Variants in TRIP4 observed in about 807,000 individuals in gnomAD.
The protein encoded by TRIP4 is activating signal cointegrator 1.
In TRIP4, 54 loss-of-function variants were observed where a neutral mutation model predicts 81.8. The ratio of observed to expected loss-of-function variants is 0.66; its 90% CI spans 0.53 to 0.83. TRIP4 has a LOEUF of 0.83. TRIP4 is among the 40% of genes least tolerant of loss of function. The pLI is 0.00. For missense variants in TRIP4, 662 were observed against 683.6 expected (o/e 0.97, Z 0.35); for synonymous variants, 270 against 242.8 (o/e 1.11, Z -1.04).
At chr15:64,413,658 C>T (rs192715868) in intron 7 of TRIP4, among the ~76,000 whole-genome samples, 97 of 152,212 alleles carry the variant, frequency 6.4e-4, no homozygotes, top group African/African-American at 2.3e-3. Context: ...GGCACGATCT[C>T]GGCTCATTGC....
At chr15:64,402,273 A>G (rs1409583468) in intron 5 of TRIP4, among the ~76,000 whole-genome samples, 1 of 149,686 alleles carries the variant, frequency 6.7e-6, no homozygotes, top group Non-Finnish European at 1.5e-5. Context: ...CCCAGGCTGG[A>G]GTGCAATGGT....
intron 11 of TRIP4, among the ~76,000 whole-genome samples, chr15:64,436,763 CTTTTTTTTTTTTTTT>C (rs71133433): frequency 9.3e-5 from 2 of 21,404 alleles, no homozygotes; most frequent in Non-Finnish European, 7.3e-5. Context: ...CCATCTATGC[CTTTTTTTTTTTTTTT>C]TTTTTTTTTT....
intron 3 of TRIP4, among the ~76,000 whole-genome samples, chr15:64,396,188 C>T (rs778113498): frequency 2.7e-5 from 4 of 150,306 alleles, no homozygotes; most frequent in African/African-American, 4.9e-5. Context: ...GGATTACAGG[C>T]GTGAGCCACC....
intron 9 of TRIP4, among the ~76,000 whole-genome samples, chr15:64,419,016 A>AT (rs1275284369): frequency 6.6e-6 from 1 of 152,142 alleles, no homozygotes; most frequent in Non-Finnish European, 1.5e-5. Flanking sequence ...TAGAAGACTA[A>AT]TTTTTTCATC....
chr15:64,405,289 G>A (rs1891599583), intron 5 of TRIP4, among the ~76,000 whole-genome samples: 1 of 151,948 alleles, frequency 6.6e-6, no homozygotes, highest in South Asian at 2.1e-4. Flanking sequence ...CAAGTAGCTG[G>A]GACTACAGGT....
Position 64,414,134 on chromosome 15 carries a change from C to T in TRIP4, c.1093C>T (p.Leu365=). 1 of 1,614,172 alleles carries T rather than the reference C, an allele frequency of 6.2e-7. No homozygotes were observed. ...AIANGTLNQP[L]TKLDRSSEEP... ...TGCCAATGGAACCTTGAACCAGCCA[C>T]TGACCAAATTGGATAGATCTTCTGA... The change falls in exon 8 of 13, where the codon CTG becomes TTG. Residue 365 remains leucine (L), a synonymous_variant. Transcript: ENST00000261884.
At chr15:64,450,043 C>T (rs1033923033) in intron 12 of TRIP4, among the ~76,000 whole-genome samples, 1 of 152,142 alleles carries the variant, frequency 6.6e-6, no homozygotes, top group Non-Finnish European at 1.5e-5. Flanking sequence ...TTACACCCTA[C>T]CATGAAGAGG....
intron 1 of TRIP4, 87 bp downstream of exon 1, chr15:64,388,051 TAA>T: frequency 1.4e-6 from 2 of 1,448,154 alleles, no homozygotes; most frequent in Non-Finnish European, 1.8e-6. Flanking sequence ...ACTGAAAAGT[TAA>T]GAGAGAAATG....
At chr15:64,389,133 G>A (rs1419099512) in intron 1 of TRIP4, among the ~76,000 whole-genome samples, 5 of 152,102 alleles carry the variant, frequency 3.3e-5, no homozygotes, top group East Asian at 1.9e-4. Context: ...CAGAGGTGGC[G>A]GTCCAAAGTG....
intron 1 of TRIP4, 94 bp from the exon 2 acceptor site, chr15:64,393,852 A>G (rs1422154576): frequency 9.7e-6 from 12 of 1,238,848 alleles, no homozygotes; most frequent in African/African-American, 1.5e-5. Context: ...TAATAGATTA[A>G]TGAATGGTTT....
In TRIP4 at chr15:64,395,582, G is replaced by A. The variant is rs552965103; in HGVS notation, c.405+51G>A. On this transcript the variant is annotated intron_variant, in intron 3 of 12. Coordinates refer to ENST00000261884, the MANE Select transcript of TRIP4 (RefSeq NM_016213.5). ...TTCTGACTATTGGAGAAGAGGAAGT[G>A]ACTAATACATTTCAGAGAGCAAAGT... is the stretch of plus-strand genomic sequence containing the variant. 361 of 1,556,086 alleles carry A rather than the reference G, an allele frequency of 2.3e-4. 3 individuals are homozygous for A. The South Asian group carries it at 3.8e-3, about 17-fold the overall frequency.
rs189754656 is a variant in TRIP4, at chr15:64,405,193, C to T, written c.698-1137C>T. 2.3e-4 allele frequency among the ~76,000 whole-genome samples: 33 copies of T among 146,460 alleles called. No homozygotes were observed. In the East Asian group the frequency reaches 2.4e-3, roughly 11 times the overall value. On this transcript the variant is annotated intron_variant, in intron 5 of 12. Coordinates refer to ENST00000261884, the MANE Select transcript of TRIP4 (RefSeq NM_016213.5). ...TTTTTGAGATGGAGTCTTGCTCTGT[C>T]GCCCAAGCTGGAGTGCAGTGGCACG... is the stretch of plus-strand genomic sequence containing the variant.
intron 11 of TRIP4, 49 bp downstream of exon 11, chr15:64,425,680 G>T: frequency 6.6e-7 from 1 of 1,511,072 alleles, no homozygotes; most frequent in Middle Eastern, 1.8e-4. Flanking sequence ...TCGCCATGTT[G>T]GCCAGGCTGG....
chr15:64,397,510 T>C, intron 3 of TRIP4, 96 bp from the exon 4 acceptor site: 1 of 1,183,776 alleles, frequency 8.4e-7, no homozygotes, highest in Non-Finnish European at 1.2e-6. Context: ...TTGGATAGTA[T>C]ATAAGTTGTT....
At chr15:64,393,523 T>C (rs1258572427) in intron 1 of TRIP4, 1 of 152,110 alleles carries the variant, frequency 6.6e-6, no homozygotes, top group African/African-American at 2.4e-5. Context: ...ATGTTCACTG[T>C]AGAAAACTAA....
intron 7 of TRIP4, among the ~76,000 whole-genome samples, chr15:64,411,457 G>A (rs1891758586): frequency 6.6e-6 from 1 of 151,952 alleles, no homozygotes; most frequent in Admixed American, 6.6e-5. Flanking sequence ...ATTTTGCTCT[G>A]AACCTAAAAC....
At chr15:64,453,995 G>A (rs1365791889) in intron 12 of TRIP4, among the ~76,000 whole-genome samples, 1 of 152,148 alleles carries the variant, frequency 6.6e-6, no homozygotes. Context: ...CTGATTTTTA[G>A]TCCAGTGCTC....
At chr15:64,395,912 CTTTT>C (rs3057763) in intron 3 of TRIP4, among the ~76,000 whole-genome samples, 2 of 143,792 alleles carry the variant, frequency 1.4e-5, no homozygotes, top group Non-Finnish European at 1.5e-5. Context: ...AGCTAATTTT[CTTTT>C]TTTTTTTTTT....
intron 7 of TRIP4, among the ~76,000 whole-genome samples, chr15:64,410,763 G>A (rs2140292899): frequency 6.6e-6 from 1 of 152,092 alleles, no homozygotes; most frequent in Admixed American, 6.6e-5. Flanking sequence ...GTACCAAGTT[G>A]GAAGAAAATA....
Sources: gnomAD v4.1 joint callset for allele counts (sites outside exome capture counted in the v4.1 genomes callset) on GRCh38, gnomAD v4.1.1 for gene constraint, MANE v1.5 for transcripts, NCBI Gene and HGNC (gene_info 2026-07-23, HGNC 2026-07-21) for gene names.